The following TRPC4 variants were observed in gnomAD, a reference collection of about 807,000 sequenced individuals.
TRPC4 encodes the protein short transient receptor potential channel 4.
A neutral mutation model predicts 99.4 loss-of-function variants in TRPC4; 49 were observed. The ratio of observed to expected loss-of-function variants is 0.49; its 90% CI spans 0.39 to 0.63. The LOEUF is 0.63. TRPC4 is among the 20% of genes least tolerant of loss of function. The pLI, the probability that TRPC4 is intolerant of heterozygous loss-of-function variation, is 0.00. For synonymous variants in TRPC4, 454 were observed against 425.9 expected, an observed-to-expected ratio of 1.07 and a Z score of -0.81; for missense variants, 898 against 1,152.9, an observed-to-expected ratio of 0.78 and a Z score of 3.20.
chr13:37,863,465 G>A (rs949193431), intron 1 of TRPC4, among the ~76,000 whole-genome samples: 2 of 151,196 alleles, frequency 1.3e-5, no homozygotes, highest in African/African-American at 2.4e-5. Flanking sequence ...TATGTATGTT[G>A]TATACACATA....
At chr13:37,709,880 A>C (rs1284078417) in intron 3 of TRPC4, among the ~76,000 whole-genome samples, 1 of 152,044 alleles carries the variant, frequency 6.6e-6, no homozygotes, top group Non-Finnish European at 1.5e-5. Flanking sequence ...AAACATATGA[A>C]TAGTAACAGC....
At chr13:37,717,020 T>C (rs953392988) in intron 3 of TRPC4, among the ~76,000 whole-genome samples, 1 of 152,134 alleles carries the variant, frequency 6.6e-6, no homozygotes, top group Non-Finnish European at 1.5e-5. Flanking sequence ...CTAGAGTAAG[T>C]GTGTAATAAC....
intron 3 of TRPC4, among the ~76,000 whole-genome samples, chr13:37,737,158 T>C (rs1403225970): frequency 6.6e-6 from 1 of 151,798 alleles, no homozygotes; most frequent in Non-Finnish European, 1.5e-5. Context: ...TAGTATATAG[T>C]GGAATCTTGT....
intron 2 of TRPC4, among the ~76,000 whole-genome samples, chr13:37,781,686 A>G (rs1956846695): frequency 6.6e-6 from 1 of 152,132 alleles, no homozygotes; most frequent in Non-Finnish European, 1.5e-5. Context: ...TATGAAAGAA[A>G]CAACAAAATG....
chr13:37,653,454 G>T (rs1252188644), intron 7 of TRPC4, among the ~76,000 whole-genome samples: 1 of 151,852 alleles, frequency 6.6e-6, no homozygotes, highest in African/African-American at 2.4e-5. Flanking sequence ...AAAAAGAAAG[G>T]AAGGAAGGAA....
chr13:37,799,333 A>G (rs900702965), intron 1 of TRPC4, among the ~76,000 whole-genome samples: 2 of 152,080 alleles, frequency 1.3e-5, no homozygotes, highest in African/African-American at 2.4e-5. Context: ...TAATTTCCTC[A>G]AGACTGATCT....
chr13:37,806,818 T>C (rs1316976951), intron 1 of TRPC4, among the ~76,000 whole-genome samples: 2 of 152,084 alleles, frequency 1.3e-5, no homozygotes, highest in African/African-American at 2.4e-5. Context: ...CACATTCTAC[T>C]AGTGTCACGT....
At chr13:37,828,353 T>C (rs1457271682) in intron 1 of TRPC4, among the ~76,000 whole-genome samples, 1 of 152,140 alleles carries the variant, frequency 6.6e-6, no homozygotes, top group Non-Finnish European at 1.5e-5. Context: ...GGCGAGGTTG[T>C]GGAGAAAAGG....
At chr13:37,673,968 G>A (rs7990804) in intron 5 of TRPC4, among the ~76,000 whole-genome samples, 151,313 of 152,250 alleles carry the variant, frequency 0.99, 75,197 homozygotes, top group Middle Eastern at 1. Flanking sequence ...ACTGTGAATA[G>A]TTTTGAGACA....
intron 2 of TRPC4, among the ~76,000 whole-genome samples, chr13:37,762,074 G>T (rs1170596215): frequency 6.6e-6 from 1 of 151,778 alleles, no homozygotes; most frequent in Non-Finnish European, 1.5e-5. Context: ...ATCACCAGCA[G>T]GTTGGACTAG....
intron 2 of TRPC4, among the ~76,000 whole-genome samples, chr13:37,770,839 T>A (rs192091411): frequency 6.6e-6 from 1 of 151,688 alleles, no homozygotes; most frequent in Non-Finnish European, 1.5e-5. Flanking sequence ...TATTCTGCAA[T>A]GGACTATCCG....
At position 37,792,723 on chromosome 13, in the gene TRPC4, T is replaced by TTG. The variant is rs57918365; in HGVS notation, c.-27-9365_-27-9364dup. 5.9e-3 allele frequency among the ~76,000 whole-genome samples: 865 copies of TTG among 146,634 alleles called. 6 individuals are homozygous for TTG. The highest frequency in any genetic ancestry group is 0.017 in the African/African-American group (690 of 39,900). On this transcript the variant is annotated intron_variant, in intron 1 of 10. Transcript: ENST00000379705. ...CGTAACTGACCTCTGGCTTCTAAAT[T>TTG]TGTGTGTGTGTGTGTGTGTGTGTGT...
intron 1 of TRPC4, among the ~76,000 whole-genome samples, chr13:37,852,491 C>A (rs1959085070): frequency 6.6e-6 from 1 of 152,200 alleles, no homozygotes; most frequent in Non-Finnish European, 1.5e-5. Context: ...CACAATGGGC[C>A]TTGGGCCCTG....
chr13:37,751,636 T>G (rs1955936328), intron 2 of TRPC4, among the ~76,000 whole-genome samples: 2 of 152,122 alleles, frequency 1.3e-5, no homozygotes, highest in Non-Finnish European at 2.9e-5. Context: ...CAATTCCCTT[T>G]CTTAAAACGG....
chr13:37,836,513 G>A (rs192299935), intron 1 of TRPC4, among the ~76,000 whole-genome samples: 1 of 152,302 alleles, frequency 6.6e-6, no homozygotes, highest in East Asian at 1.9e-4. Flanking sequence ...TTGGGAACTG[G>A]AGTAAAGGTG....
intron 7 of TRPC4, among the ~76,000 whole-genome samples, chr13:37,654,615 T>G (rs557976328): frequency 1.2e-4 from 19 of 152,302 alleles, no homozygotes; most frequent in African/African-American, 4.6e-4. Context: ...TTACTTCTCT[T>G]AATACATTGC....
At chr13:37,773,829 T>C (rs1956627009) in intron 2 of TRPC4, among the ~76,000 whole-genome samples, 1 of 151,812 alleles carries the variant, frequency 6.6e-6, no homozygotes, top group South Asian at 2.1e-4. Context: ...ACAATTCACT[T>C]TGGTCTGTTT....
intron 3 of TRPC4, among the ~76,000 whole-genome samples, chr13:37,712,508 A>T (rs1265967327): frequency 6.6e-6 from 1 of 152,180 alleles, no homozygotes; most frequent in Non-Finnish European, 1.5e-5. Flanking sequence ...CACTGGTGTT[A>T]ATAGTTCCTA....
At chr13:37,812,980 G>T (rs2139486396) in intron 1 of TRPC4, among the ~76,000 whole-genome samples, 1 of 151,488 alleles carries the variant, frequency 6.6e-6, no homozygotes, top group South Asian at 2.1e-4. Context: ...AAAAGCAGTG[G>T]AACAGCAACT....
Sources: gnomAD v4.1 joint callset for allele counts (sites outside exome capture counted in the v4.1 genomes callset) on GRCh38, gnomAD v4.1.1 for gene constraint, MANE v1.5 for transcripts, NCBI Gene and HGNC (gene_info 2026-07-23, HGNC 2026-07-21) for gene names.